FAM114A1: variants seen among roughly 807,000 people sequenced by gnomAD.
FAM114A1 encodes the protein protein NOXP20.
Under a neutral mutation model 64.3 loss-of-function variants are expected in FAM114A1, and 62 were observed. The observed-to-expected ratio is 0.96, with a 90% CI of 0.79 to 1.19. FAM114A1 has a LOEUF of 1.19. Ranked by LOEUF, FAM114A1 falls within the 50% of genes most tolerant of loss-of-function variation. FAM114A1 has a pLI of 0.00. For synonymous variants in FAM114A1, 254 were observed against 251.1 expected (o/e 1.01, Z -0.11); for missense variants, 645 against 676.3 (o/e 0.95, Z 0.51).
In FAM114A1 at chr4:38,897,820, C is replaced by T. The variant is rs927840297; in HGVS notation, c.436+5990C>T. Among the ~76,000 whole-genome samples the T allele has an allele frequency of 3.3e-5, 5 of 151,870 alleles. No individual in the cohort carries two copies. The East Asian group carries it at 9.7e-4, about 29-fold the overall frequency. Reference sequence around the variant, plus strand: ...AAATTAGCTGAGTGTGGTGACATGCCCCTGTAGTACCAGCTGCTTGGAGGC... The same window carrying T: ...AAATTAGCTGAGTGTGGTGACATGCTCCTGTAGTACCAGCTGCTTGGAGGC... On this transcript the variant is annotated intron_variant, in intron 4 of 14. Coordinates refer to ENST00000358869, the MANE Select transcript of FAM114A1 (RefSeq NM_138389.4).
chr4:38,910,333 G>A (rs1158020360), intron 7 of FAM114A1, among the ~76,000 whole-genome samples: 1 of 152,144 alleles, frequency 6.6e-6, no homozygotes, highest in Admixed American at 6.5e-5. Flanking sequence ...AAGTATCAGT[G>A]TGGCTTAGAA....
At chr4:38,920,068 G>A (rs1719440527) in intron 8 of FAM114A1, among the ~76,000 whole-genome samples, 1 of 152,088 alleles carries the variant, frequency 6.6e-6, no homozygotes, top group African/African-American at 2.4e-5. Flanking sequence ...AATTAGCAGG[G>A]AGTGGTGGCG....
At chr4:38,928,827 A>C (rs1162224904) in intron 9 of FAM114A1, among the ~76,000 whole-genome samples, 5 of 152,256 alleles carry the variant, frequency 3.3e-5, no homozygotes, top group Non-Finnish European at 7.3e-5. Flanking sequence ...AATGCTAAGC[A>C]TAACAATATC....
chr4:38,899,318 T>C (rs113987444), intron 4 of FAM114A1, among the ~76,000 whole-genome samples: 1 of 152,164 alleles, frequency 6.6e-6, no homozygotes, highest in Non-Finnish European at 1.5e-5. Context: ...TCTTAGGAGA[T>C]GTCTTCCATT....
rs776720663 is a variant in FAM114A1 at position 38,891,776 on chromosome 4, G to A, written c.382G>A (p.Ala128Thr). Residue 128 changes from alanine to threonine, a missense_variant, in exon 4 of 15, where the codon GCA (alanine) becomes ACA (threonine). Transcript: ENST00000358869. ...VDSPPSGGGW[A>T]GWGSWGKSLL... The stretch of plus-strand genomic sequence containing the variant: ...TTCCCCTCCAAGTGGAGGAGGATGG[G>A]CAGGCTGGGGATCCTGGGGCAAATC... The A allele has an allele frequency of 3.1e-6, 5 of 1,612,292 alleles. No individual in the cohort carries two copies. Among genetic ancestry groups the A allele is most frequent in the Non-Finnish European group, 4.2e-6 (5 of 1,179,252 alleles).
chr4:38,907,923 A>G (rs1168132366), intron 6 of FAM114A1, among the ~76,000 whole-genome samples: 1 of 152,226 alleles, frequency 6.6e-6, no homozygotes, highest in African/African-American at 2.4e-5. Flanking sequence ...ATTTTTTAAA[A>G]AAAGCAACAA....
intron 11 of FAM114A1, 102 bp downstream of exon 11, chr4:38,931,714 T>C (rs1720658513): frequency 8.0e-7 from 1 of 1,257,062 alleles, no homozygotes; most frequent in South Asian, 1.7e-5. Context: ...TTTTCATTTG[T>C]TCCGTGTTAT....
At chr4:38,873,258 C>A (rs1441113013) in intron 2 of FAM114A1, among the ~76,000 whole-genome samples, 1 of 152,114 alleles carries the variant, frequency 6.6e-6, no homozygotes, top group South Asian at 2.1e-4. Flanking sequence ...CAAGGTCTGG[C>A]AGATATTTTT....
chr4:38,940,235 T>G (rs1721483151), intron 13 of FAM114A1, among the ~76,000 whole-genome samples: 1 of 152,172 alleles, frequency 6.6e-6, no homozygotes, highest in Non-Finnish European at 1.5e-5. Flanking sequence ...GGCACTGTAC[T>G]CTCTGCTTTA....
At chr4:38,869,606 G>C (rs1163117722) in intron 2 of FAM114A1, among the ~76,000 whole-genome samples, 1 of 152,142 alleles carries the variant, frequency 6.6e-6, no homozygotes, top group African/African-American at 2.4e-5. Flanking sequence ...CTGGAGCCTG[G>C]GTACGTAGAC....
intron 4 of FAM114A1, among the ~76,000 whole-genome samples, chr4:38,905,288 G>A (rs1210644825): frequency 3.9e-5 from 6 of 151,962 alleles, no homozygotes; most frequent in Admixed American, 1.3e-4. Context: ...AATCCCAGCT[G>A]CTAGGGAGGC....
rs1717123262 is a variant in FAM114A1 at position 38,898,096 on chromosome 4, C to T, written c.436+6266C>T. ...AAAATGAAAGTCAACAATGCTAAAA[C>T]ATGTATAAGTATACAAAAGGAAGAG... On this transcript the variant is annotated intron_variant, in intron 4 of 14. Coordinates refer to ENST00000358869, the MANE Select transcript of FAM114A1 (RefSeq NM_138389.4). Among the ~76,000 whole-genome samples the T allele has an allele frequency of 4.6e-5, 7 of 152,108 alleles. No homozygotes were observed. In the South Asian group the frequency reaches 1.5e-3, roughly 32 times the overall value.
At chr4:38,923,003 A>C in intron 9 of FAM114A1, 110 bp downstream of exon 9, 1 of 1,242,310 alleles carries the variant, frequency 8.0e-7, no homozygotes, top group Non-Finnish European at 1.1e-6. Context: ...CTCCTCCTCC[A>C]TGCTTCCAAA....
intron 2 of FAM114A1, among the ~76,000 whole-genome samples, chr4:38,876,627 G>A (rs966869322): frequency 1.5e-4 from 23 of 152,236 alleles, no homozygotes; most frequent in African/African-American, 4.8e-4. Context: ...GTAGGTTTCT[G>A]TTAGCTTCCT....
chr4:38,894,363 G>A (rs939278043), intron 4 of FAM114A1, among the ~76,000 whole-genome samples: 2 of 152,110 alleles, frequency 1.3e-5, no homozygotes, highest in Non-Finnish European at 2.9e-5. Flanking sequence ...AAATTGTGAT[G>A]GTTCGCATCT....
intron 13 of FAM114A1, among the ~76,000 whole-genome samples, chr4:38,938,950 T>A (rs1721340454): frequency 6.6e-6 from 1 of 152,244 alleles, no homozygotes; most frequent in African/African-American, 2.4e-5. Flanking sequence ...TGCTTTCCAT[T>A]CCTTCTGCAT....
chr4:38,895,686 G>A (rs538195487), intron 4 of FAM114A1, among the ~76,000 whole-genome samples: 123 of 152,284 alleles, frequency 8.1e-4, no homozygotes, highest in African/African-American at 2.9e-3. Context: ...TCTGAGAAAT[G>A]GGTCGTTGGG....
chr4:38,880,842 A>AC (rs1715196036), intron 3 of FAM114A1, among the ~76,000 whole-genome samples: 3 of 152,228 alleles, frequency 2.0e-5, no homozygotes, highest in African/African-American at 7.2e-5. Flanking sequence ...CAAAATCCAT[A>AC]TACATTCCAA....
chr4:38,878,603 TA>T (rs1295693941), intron 3 of FAM114A1, among the ~76,000 whole-genome samples, 177 bp downstream of exon 3: 1 of 152,220 alleles, frequency 6.6e-6, no homozygotes, highest in Non-Finnish European at 1.5e-5. Flanking sequence ...TTTGTCATAA[TA>T]TTTGCATTTT....
Sources: allele counts gnomAD v4.1 joint callset (sites outside exome capture counted in the v4.1 genomes callset), GRCh38; gene constraint gnomAD v4.1.1; transcripts MANE v1.5; gene names NCBI Gene and HGNC (gene_info 2026-07-23, HGNC 2026-07-21).